CDH12: variants seen among roughly 807,000 people sequenced by gnomAD.
CDH12 encodes cadherin 12.
CDH12 carries 41 observed loss-of-function variants against 74.1 expected under a neutral mutation model. The observed-to-expected ratio is 0.55, with a 90% CI of 0.43 to 0.72. The LOEUF is 0.72. CDH12 is among the 30% of genes least tolerant of loss of function. The pLI, the probability that CDH12 is intolerant of heterozygous loss-of-function variation, is 0.00. For synonymous variants in CDH12, 399 were observed against 355.0 expected (o/e 1.12, Z -1.39); for missense variants, 945 against 977.2 (o/e 0.97, Z 0.44).
intron 2 of CDH12, among the ~76,000 whole-genome samples, chr5:22,429,783 A>T (rs905772417): frequency 1.1e-4 from 16 of 152,330 alleles, no homozygotes; most frequent in African/African-American, 3.8e-4. Context: ...CAACATCTAC[A>T]CAAAGCTCTC....
intron 2 of CDH12, among the ~76,000 whole-genome samples, chr5:22,473,592 T>C (rs1032847078): frequency 2.6e-5 from 4 of 152,146 alleles, no homozygotes; most frequent in Non-Finnish European, 5.9e-5. Flanking sequence ...GAAGATGGTA[T>C]AAAGCTAGGC....
rs185911194 is a variant in CDH12, at chr5:22,349,418, G to A, written c.-333+55839C>T. ...AATTTCTCTTTCTCCATTCTTATAT[G>A]TCTTATGCAGATTTCAATTCCTGTT... On this transcript the variant is annotated intron_variant, in intron 3 of 14. Coordinates refer to ENST00000382254, the MANE Select transcript of CDH12 (RefSeq NM_004061.5). Among the ~76,000 whole-genome samples the A allele has an allele frequency of 2.6e-3, 390 of 152,086 alleles. 2 individuals are homozygous for A. Among genetic ancestry groups the A allele is most frequent in the African/African-American group, 9.2e-3 (382 of 41,488 alleles).
intron 6 of CDH12, among the ~76,000 whole-genome samples, chr5:21,957,105 T>C (rs1415199899): frequency 6.6e-6 from 1 of 152,152 alleles, no homozygotes; most frequent in Non-Finnish European, 1.5e-5. Context: ...TGCTGTTCCA[T>C]TCTTTGTGTC....
intron 1 of CDH12, among the ~76,000 whole-genome samples, chr5:22,724,359 A>G (rs1161818811): frequency 6.6e-6 from 1 of 151,842 alleles, no homozygotes; most frequent in Non-Finnish European, 1.5e-5. Context: ...TGTATGCAGT[A>G]TGTAGTCATT....
chr5:22,532,204 C>T (rs1003763283), intron 1 of CDH12, among the ~76,000 whole-genome samples: 17 of 150,940 alleles, frequency 1.1e-4, no homozygotes, highest in African/African-American at 3.2e-4. Context: ...CATGGACCTT[C>T]TGTTACTGGT....
chr5:22,046,430 C>CTTTTTTTTTTT lies in CDH12; in HGVS notation c.231+32005_231+32015dup, dbSNP rs11323330. Among the ~76,000 whole-genome samples, 172 of 100,362 alleles carry CTTTTTTTTTTT rather than the reference C, an allele frequency of 1.7e-3. 13 individuals are homozygous for CTTTTTTTTTTT. Among genetic ancestry groups the CTTTTTTTTTTT allele is most frequent in the African/African-American group, 6.8e-3 (160 of 23,400 alleles). 65.8% of individuals were successfully genotyped at this position (100,362 alleles called of 152,430 possible). A position where few individuals can be genotyped will look rare whatever the true frequency, so the allele number is the denominator to read the frequency against. On this transcript the variant is annotated intron_variant, in intron 5 of 14. Transcript: ENST00000382254. Reference sequence around the variant, plus strand: ...GAGAAAGTCACTGGTCATTTAATTTCTTTTTTTTTTTTTTTTTTTTTTGAG... The same window carrying CTTTTTTTTTTT: ...GAGAAAGTCACTGGTCATTTAATTTCTTTTTTTTTTTTTTTTTTTTTTTTTTTTTTTTTGAG...
At chr5:22,810,966 T>C (rs1458906253) in intron 1 of CDH12, among the ~76,000 whole-genome samples, 1 of 151,760 alleles carries the variant, frequency 6.6e-6, no homozygotes, top group East Asian at 1.9e-4. Context: ...CATATATACT[T>C]ACATATATAC....
At chr5:22,477,999 C>T (rs1746235895) in intron 2 of CDH12, among the ~76,000 whole-genome samples, 1 of 152,124 alleles carries the variant, frequency 6.6e-6, no homozygotes, top group African/African-American at 2.4e-5. Flanking sequence ...CATAAAAAGG[C>T]ACTTTTAATC....
At chr5:22,116,864 C>A (rs1157582298) in intron 4 of CDH12, among the ~76,000 whole-genome samples, 1 of 108,032 alleles carries the variant, frequency 9.3e-6, no homozygotes, top group Non-Finnish European at 1.9e-5. Context: ...CTGCAAGTCT[C>A]TTTTTTTTTT....
intron 2 of CDH12, among the ~76,000 whole-genome samples, chr5:22,504,180 GA>G (rs1736289813): frequency 6.6e-6 from 1 of 151,826 alleles, no homozygotes; most frequent in South Asian, 2.1e-4. Context: ...ACCATGGGGG[GA>G]GAGGAATTAT....
intron 1 of CDH12, among the ~76,000 whole-genome samples, chr5:22,661,626 A>T (rs1561559687): frequency 6.6e-6 from 1 of 152,164 alleles, no homozygotes; most frequent in Non-Finnish European, 1.5e-5. Flanking sequence ...CATAAAAATA[A>T]TCCTGAAAGA....
At chr5:22,158,429 A>G (rs1404412540) in intron 4 of CDH12, among the ~76,000 whole-genome samples, 6 of 152,064 alleles carry the variant, frequency 3.9e-5, no homozygotes, top group African/African-American at 7.2e-5. Context: ...AGCATTTTCT[A>G]TTAGTCCCCA....
chr5:21,882,832 C>A (rs760699689), intron 6 of CDH12: 22 of 1,547,216 alleles, frequency 1.4e-5, no homozygotes, highest in Non-Finnish European at 2.0e-5. Flanking sequence ...GTGACTGTTG[C>A]AAAGTCAATT....
chr5:22,215,990 C>T (rs900133468), intron 3 of CDH12, among the ~76,000 whole-genome samples: 5 of 152,006 alleles, frequency 3.3e-5, no homozygotes, highest in Admixed American at 2.0e-4. Flanking sequence ...AAATAGGTTA[C>T]CATAAGTATT....
intron 3 of CDH12, among the ~76,000 whole-genome samples, chr5:22,262,373 GT>G: frequency 6.7e-6 from 1 of 150,340 alleles, no homozygotes; most frequent in Non-Finnish European, 1.5e-5. Flanking sequence ...GAGGTGTTTG[GT>G]TTTTTGTTCT....
At chr5:22,482,288 A>G (rs1193732384) in intron 2 of CDH12, among the ~76,000 whole-genome samples, 1 of 152,168 alleles carries the variant, frequency 6.6e-6, no homozygotes, top group Non-Finnish European at 1.5e-5. Context: ...TGTGAAGACA[A>G]TATTTTCCCG....
chr5:22,369,391 A>C (rs1031260771), intron 3 of CDH12, among the ~76,000 whole-genome samples: 9 of 152,286 alleles, frequency 5.9e-5, no homozygotes, highest in African/African-American at 1.9e-4. Context: ...AAGACACTAT[A>C]AACACATTTT....
intron 1 of CDH12, among the ~76,000 whole-genome samples, chr5:22,679,747 T>A (rs1015641118): frequency 2.0e-5 from 3 of 152,132 alleles, no homozygotes; most frequent in African/African-American, 7.2e-5. Context: ...CAGATGGGAA[T>A]TTATTATGTA....
intron 8 of CDH12, among the ~76,000 whole-genome samples, chr5:21,833,031 T>TATATATTATATGTTATATAAC (rs1749171974): frequency 1.1e-4 from 6 of 56,286 alleles, no homozygotes; most frequent in South Asian, 5.9e-4. Flanking sequence ...TAATATATAA[T>TATATATTATATGTTATATAAC]ATATAATATA....
Sources: allele counts gnomAD v4.1 joint callset (sites outside exome capture counted in the v4.1 genomes callset), GRCh38; gene constraint gnomAD v4.1.1; transcripts MANE v1.5; gene names NCBI Gene and HGNC (gene_info 2026-07-23, HGNC 2026-07-21).